The following SYNDIG1 variants were observed in gnomAD, a reference collection of about 807,000 sequenced individuals.
SYNDIG1 encodes the protein synapse differentiation-inducing gene protein 1.
Under a neutral mutation model 19.4 loss-of-function variants are expected in SYNDIG1, and 9 were observed. The ratio of observed to expected loss-of-function variants is 0.46; its 90% CI spans 0.28 to 0.81. The LOEUF (loss-of-function observed/expected upper bound fraction) is 0.81. SYNDIG1 is among the 30% of genes least tolerant of loss of function. The probability of loss-of-function intolerance (pLI) is 0.12; values close to 1 mark genes in which losing one functional copy is unlikely to be tolerated. For synonymous variants in SYNDIG1, 141 were observed against 145.9 expected, an observed-to-expected ratio of 0.97 and a Z score of 0.24; for missense variants, 311 against 343.3, an observed-to-expected ratio of 0.91 and a Z score of 0.74.
chr20:24,661,063 G>A (rs2059580166), intron 3 of SYNDIG1, among the ~76,000 whole-genome samples: 1 of 152,240 alleles, frequency 6.6e-6, no homozygotes, highest in African/African-American at 2.4e-5. Flanking sequence ...CCCAGGCTCA[G>A]CACACCGTCA....
At chr20:24,547,433 G>A (rs915972769) in intron 2 of SYNDIG1, among the ~76,000 whole-genome samples, 2 of 152,228 alleles carry the variant, frequency 1.3e-5, no homozygotes, top group Admixed American at 6.5e-5. Flanking sequence ...TATTCGGCAA[G>A]TGTTTATGAT....
At chr20:24,500,495 TTTCTTTC>T (rs1387322383) in intron 1 of SYNDIG1, among the ~76,000 whole-genome samples, 2 of 114,112 alleles carry the variant, frequency 1.8e-5, no homozygotes, top group East Asian at 4.1e-4. Flanking sequence ...TCTTTCTTTC[TTTCTTTC>T]TTTCTTTCTT....
intron 3 of SYNDIG1, among the ~76,000 whole-genome samples, chr20:24,628,139 A>G (rs1346889975): frequency 6.6e-6 from 1 of 152,224 alleles, no homozygotes; most frequent in Non-Finnish European, 1.5e-5. Context: ...CTGCATGCTC[A>G]GCCCCCTACT....
intron 2 of SYNDIG1, among the ~76,000 whole-genome samples, chr20:24,579,916 A>G (rs1330683316): frequency 6.6e-6 from 1 of 152,236 alleles, no homozygotes; most frequent in African/African-American, 2.4e-5. Flanking sequence ...GCCCTGCGCT[A>G]TGATTATTTT....
chr20:24,470,582 C>A (rs758596301), intron 1 of SYNDIG1, among the ~76,000 whole-genome samples: 11 of 152,088 alleles, frequency 7.2e-5, no homozygotes, highest in Non-Finnish European at 1.5e-4. Context: ...ACTCTCTGGG[C>A]AGTGAGGAGG....
intron 2 of SYNDIG1, among the ~76,000 whole-genome samples, chr20:24,563,688 A>G (rs1196842070): frequency 6.6e-6 from 1 of 151,978 alleles, no homozygotes; most frequent in Non-Finnish European, 1.5e-5. Context: ...TTAAGCCTTG[A>G]CCTCCCAGAC....
intron 1 of SYNDIG1, among the ~76,000 whole-genome samples, chr20:24,529,800 G>A (rs1443075718): frequency 7.4e-6 from 1 of 134,492 alleles, no homozygotes. Flanking sequence ...GGTGATAGTG[G>A]TACTCCTGCT....
intron 1 of SYNDIG1, among the ~76,000 whole-genome samples, chr20:24,471,407 T>C (rs1022889423): frequency 6.6e-6 from 1 of 151,876 alleles, no homozygotes; most frequent in Non-Finnish European, 1.5e-5. Flanking sequence ...GCCCGTTCTT[T>C]TGGAGGTCCA....
chr20:24,599,834 G>A lies in SYNDIG1; in HGVS notation c.618+14841G>A, dbSNP rs570507323. Among the ~76,000 whole-genome samples, 6 of 152,330 alleles carry A rather than the reference G, an allele frequency of 3.9e-5. No homozygotes were observed. The East Asian group carries it at 9.6e-4, about 24-fold the overall frequency. On this transcript the variant is annotated intron_variant, in intron 3 of 3. Coordinates refer to ENST00000376862, the MANE Select transcript of SYNDIG1 (RefSeq NM_024893.3). ...ATAGATAACAGAGACTGGGAAGAGT[G>A]AGTAGTTGGGGGACGATGAAGAGTA... is the stretch of plus-strand genomic sequence containing the variant.
chr20:24,613,659 A>G (rs2058883564), intron 3 of SYNDIG1, among the ~76,000 whole-genome samples: 1 of 152,032 alleles, frequency 6.6e-6, no homozygotes, highest in Admixed American at 6.6e-5. Flanking sequence ...TGCTCAGCCC[A>G]CACAGAGCCA....
At chr20:24,641,738 A>G (rs2059379141) in intron 3 of SYNDIG1, among the ~76,000 whole-genome samples, 1 of 152,136 alleles carries the variant, frequency 6.6e-6, no homozygotes, top group South Asian at 2.1e-4. Context: ...GCAGCCAAGG[A>G]TGGAGCACGG....
intron 1 of SYNDIG1, among the ~76,000 whole-genome samples, chr20:24,491,979 GA>G (rs1334055559): frequency 7.2e-5 from 11 of 152,360 alleles, no homozygotes; most frequent in African/African-American, 2.6e-4. Flanking sequence ...AAGACAGGTG[GA>G]AAGAATGAAA....
At chr20:24,520,986 T>C (rs1048912173) in intron 1 of SYNDIG1, among the ~76,000 whole-genome samples, 16 of 152,180 alleles carry the variant, frequency 1.1e-4, no homozygotes, top group African/African-American at 3.9e-4. Flanking sequence ...CTCCGTTCCC[T>C]CCCTTCTGCA....
intron 3 of SYNDIG1, among the ~76,000 whole-genome samples, chr20:24,613,822 C>T (rs2058886046): frequency 1.3e-5 from 2 of 152,142 alleles, no homozygotes; most frequent in African/African-American, 4.8e-5. Flanking sequence ...GATTTGGAGC[C>T]TGAATTTTCT....
intron 2 of SYNDIG1, among the ~76,000 whole-genome samples, chr20:24,551,086 A>AT (rs1459421742): frequency 6.6e-6 from 1 of 151,938 alleles, no homozygotes; most frequent in Non-Finnish European, 1.5e-5. Flanking sequence ...TATTGGTATG[A>AT]TTTCTTTTTG....
intron 3 of SYNDIG1, among the ~76,000 whole-genome samples, chr20:24,641,283 G>T (rs1047882499): frequency 8.0e-5 from 12 of 149,692 alleles, no homozygotes; most frequent in African/African-American, 2.7e-4. Flanking sequence ...ATGGATGGAT[G>T]GATTGATGGA....
chr20:24,542,214 A>G (rs1188192084), intron 1 of SYNDIG1, among the ~76,000 whole-genome samples: 1 of 152,198 alleles, frequency 6.6e-6, no homozygotes, highest in Non-Finnish European at 1.5e-5. Context: ...AAAAAAATAA[A>G]TTGTTTGACA....
intron 1 of SYNDIG1, among the ~76,000 whole-genome samples, chr20:24,475,680 A>G (rs890688536): frequency 3.9e-5 from 6 of 152,164 alleles, no homozygotes; most frequent in African/African-American, 1.4e-4. Flanking sequence ...AGGACCTTGG[A>G]GAGGACCCTG....
intron 2 of SYNDIG1, among the ~76,000 whole-genome samples, chr20:24,552,710 T>C (rs984494350): frequency 6.6e-6 from 1 of 152,218 alleles, no homozygotes; most frequent in African/African-American, 2.4e-5. Context: ...AGTCTATCAT[T>C]GTTGGACATT....
Sources: gnomAD v4.1 joint callset for allele counts (sites outside exome capture counted in the v4.1 genomes callset) on GRCh38, gnomAD v4.1.1 for gene constraint, MANE v1.5 for transcripts, NCBI Gene and HGNC (gene_info 2026-07-23, HGNC 2026-07-21) for gene names.